Variants in CHMP3 observed in about 807,000 individuals in gnomAD.
CHMP3 encodes charged multivesicular body protein 3.
Under a neutral mutation model 27.4 loss-of-function variants are expected in CHMP3, and 8 were observed. The observed-to-expected ratio is 0.29, with a 90% confidence interval of 0.17 to 0.53. CHMP3 has a LOEUF of 0.53. Among genes scored for constraint, CHMP3 ranks in the 20% least tolerant of loss-of-function variants. The pLI is 0.96. For synonymous variants in CHMP3, 86 were observed against 85.5 expected, an observed-to-expected ratio of 1.01 and a Z score of -0.03; for missense variants, 208 against 271.5, an observed-to-expected ratio of 0.77 and a Z score of 1.64.
chr2:86,531,624 T>C (rs188521412), intron 2 of CHMP3, among the ~76,000 whole-genome samples: 50 of 152,258 alleles, frequency 3.3e-4, no homozygotes, highest in African/African-American at 1.0e-3. Context: ...CTTTGATCCA[T>C]TTGGGGTTAG....
chr2:86,511,379 G>A (rs1257202815), intron 3 of CHMP3: 1 of 152,122 alleles, frequency 6.6e-6, no homozygotes, highest in African/African-American at 2.4e-5. Context: ...TTTGCTAGTT[G>A]CAGAGAACAC....
At chr2:86,558,351 CAA>C (rs1381853383) in intron 1 of CHMP3, among the ~76,000 whole-genome samples, 2 of 152,170 alleles carry the variant, frequency 1.3e-5, no homozygotes, top group Non-Finnish European at 2.9e-5. Context: ...TGTGCAGGGG[CAA>C]AGATTTTAGT....
At chr2:86,550,367 CGGAGACGGAGA>C (rs1415647580) in intron 1 of CHMP3, among the ~76,000 whole-genome samples, 6 of 146,638 alleles carry the variant, frequency 4.1e-5, no homozygotes, top group African/African-American at 7.6e-5. Context: ...CAGAGGGAGA[CGGAGACGGAGA>C]GGAGAGGGAG....
chr2:86,521,988 T>C (rs1415270989), intron 3 of CHMP3, among the ~76,000 whole-genome samples: 1 of 152,196 alleles, frequency 6.6e-6, no homozygotes, highest in Non-Finnish European at 1.5e-5. Flanking sequence ...TTCTATTTCC[T>C]GCCCCACCTT....
chr2:86,559,912 G>T lies in CHMP3; in HGVS notation c.45+3392C>A, dbSNP rs576263477. On this transcript the variant is annotated intron_variant, in intron 1 of 5. Transcript: ENST00000263856. ...CTGAACTCCTATACCTGTGTATGTGGTACTGTATTAGTCGGTTCTTACATT... is the reference window on the plus strand; with the variant it reads ...CTGAACTCCTATACCTGTGTATGTGTTACTGTATTAGTCGGTTCTTACATT... Among the ~76,000 whole-genome samples, 6 of 152,266 alleles carry T rather than the reference G, an allele frequency of 3.9e-5. No individual in the cohort carries two copies. In the South Asian group the frequency reaches 1.2e-3, roughly 32 times the overall value.
At chr2:86,534,557 G>A (rs920917613) in intron 2 of CHMP3, among the ~76,000 whole-genome samples, 78 of 152,102 alleles carry the variant, frequency 5.1e-4, no homozygotes, top group African/African-American at 1.7e-3. Flanking sequence ...ACCCATTGTT[G>A]ACAGTGCAGT....
chr2:86,562,517 T>A (rs1408839399), intron 1 of CHMP3, among the ~76,000 whole-genome samples: 1 of 152,170 alleles, frequency 6.6e-6, no homozygotes, highest in African/African-American at 2.4e-5. Flanking sequence ...AAACTTTACA[T>A]CCCTGAATCT....
At chr2:86,518,480 T>G (rs1388853362) in intron 3 of CHMP3, among the ~76,000 whole-genome samples, 1 of 151,936 alleles carries the variant, frequency 6.6e-6, no homozygotes. Context: ...TGAAAAAAAA[T>G]AACTTGAAGC....
At chr2:86,548,707 G>A (rs1445690236) in intron 1 of CHMP3, among the ~76,000 whole-genome samples, 1 of 152,130 alleles carries the variant, frequency 6.6e-6, no homozygotes, top group Non-Finnish European at 1.5e-5. Context: ...TGTCTCTTCG[G>A]AGCTATTGGG....
At chr2:86,563,028 G>A (rs1423068594) in intron 1 of CHMP3, 2 of 394,500 alleles carry the variant, frequency 5.1e-6, no homozygotes, top group Admixed American at 8.2e-5. Context: ...TCCGAGGCCA[G>A]GACGGTGTCG....
chr2:86,514,567 T>C (rs1675223478), intron 3 of CHMP3, among the ~76,000 whole-genome samples: 1 of 152,126 alleles, frequency 6.6e-6, no homozygotes, highest in African/African-American at 2.4e-5. Flanking sequence ...GAACACACAT[T>C]ATATACTAAA....
intron 3 of CHMP3, among the ~76,000 whole-genome samples, chr2:86,525,316 G>A (rs945600106): frequency 5.3e-5 from 8 of 152,024 alleles, no homozygotes; most frequent in African/African-American, 4.8e-5. Flanking sequence ...CATTAACAAC[G>A]TAAATTTCAT....
intron 1 of CHMP3, among the ~76,000 whole-genome samples, chr2:86,554,289 T>C (rs1677028581): frequency 6.6e-6 from 1 of 152,220 alleles, no homozygotes; most frequent in Admixed American, 6.5e-5. Context: ...TACTAACCAC[T>C]GCTATTACTT....
intron 1 of CHMP3, among the ~76,000 whole-genome samples, chr2:86,556,213 C>T (rs1558663626): frequency 6.6e-6 from 1 of 152,176 alleles, no homozygotes; most frequent in African/African-American, 2.4e-5. Flanking sequence ...AAGTTTCCCT[C>T]CCATTTTTGA....
intron 3 of CHMP3, among the ~76,000 whole-genome samples, chr2:86,525,771 T>TA (rs542353500): frequency 2.0e-5 from 3 of 151,520 alleles, no homozygotes; most frequent in Non-Finnish European, 4.4e-5. Flanking sequence ...AAAATTAAAA[T>TA]AAAAAAAAAT....
chr2:86,526,238 C>T (rs1340203696), intron 3 of CHMP3, among the ~76,000 whole-genome samples: 11 of 151,986 alleles, frequency 7.2e-5, no homozygotes, highest in Non-Finnish European at 1.5e-4. Flanking sequence ...CTTACTATGA[C>T]GATAACTGGC....
intron 3 of CHMP3, among the ~76,000 whole-genome samples, chr2:86,514,083 A>G (rs1675202698): frequency 6.6e-6 from 1 of 152,256 alleles, no homozygotes; most frequent in Admixed American, 6.5e-5. Context: ...AGAATGTCCC[A>G]GATGAGTGAG....
intron 3 of CHMP3, among the ~76,000 whole-genome samples, chr2:86,513,206 A>T (rs973780127): frequency 2.6e-5 from 4 of 152,226 alleles, no homozygotes; most frequent in Non-Finnish European, 4.4e-5. Flanking sequence ...CCATGAAAAG[A>T]CAAGGAAGAA....
chr2:86,527,951 ACT>A (rs1254022098), intron 3 of CHMP3, among the ~76,000 whole-genome samples: 12 of 152,148 alleles, frequency 7.9e-5, no homozygotes, highest in Middle Eastern at 6.8e-3. Context: ...ACAGAGAAAG[ACT>A]CTATCTCAAA....
Sources: allele counts gnomAD v4.1 joint callset (sites outside exome capture counted in the v4.1 genomes callset), GRCh38; gene constraint gnomAD v4.1.1; transcripts MANE v1.5; gene names NCBI Gene and HGNC (gene_info 2026-07-23, HGNC 2026-07-21).